Variants in PLBD2 observed in about 807,000 individuals in gnomAD.
PLBD2 encodes the protein putative aminopeptidase PLBD2.
PLBD2 carries 51 observed loss-of-function variants against 68.3 expected under a neutral mutation model. The ratio of observed to expected loss-of-function variants is 0.75; its 90% confidence interval spans 0.60 to 0.94. PLBD2 has a LOEUF of 0.94. PLBD2 is among the 40% of genes least tolerant of loss of function. The pLI, the probability that PLBD2 is intolerant of heterozygous loss-of-function variation, is 0.00. For missense variants in PLBD2, 729 were observed against 792.2 expected (o/e 0.92, Z 0.96); for synonymous variants, 314 against 339.3 (o/e 0.93, Z 0.82).
Position 113,373,497 on chromosome 12 carries a change from C to T in PLBD2, c.543+690C>T, listed in dbSNP as rs562253920. Among the ~76,000 whole-genome samples, 55 of 151,980 alleles carry T rather than the reference C, an allele frequency of 3.6e-4. No individual in the cohort carries two copies. In the South Asian group the frequency reaches 0.011, roughly 31 times the overall value. On this transcript the variant is annotated intron_variant, in intron 3 of 11. Coordinates refer to ENST00000280800, the MANE Select transcript of PLBD2 (RefSeq NM_173542.4). Reference sequence around the variant, plus strand: ...TGTTTACCCACCCACCTACTCACACCCTAAGACAGACTCTTCTACCACCAA... The same window carrying T: ...TGTTTACCCACCCACCTACTCACACTCTAAGACAGACTCTTCTACCACCAA...
At chr12:113,379,307 CA>C (rs759130410) in intron 5 of PLBD2, among the ~76,000 whole-genome samples, 3,578 of 46,510 alleles carry the variant, frequency 0.077, 50 homozygotes, top group East Asian at 0.2. Context: ...GACTCTGTCT[CA>C]AAAAAAAAAA....
At chr12:113,362,505 C>T (rs1957304409) in intron 1 of PLBD2, among the ~76,000 whole-genome samples, 1 of 151,450 alleles carries the variant, frequency 6.6e-6, no homozygotes, top group South Asian at 2.1e-4. Flanking sequence ...TGGCCTCTTT[C>T]AAGAGGCACC....
chr12:113,373,788 T>TACCCACCCATTCATCTATCCATTC (rs1181616673), intron 3 of PLBD2, among the ~76,000 whole-genome samples: 3 of 148,428 alleles, frequency 2.0e-5, no homozygotes, highest in African/African-American at 7.5e-5. Flanking sequence ...TCCATCCATT[T>TACCCACCCATTCATCTATCCATTC]ACCCACCCAT....
At position 113,388,579 on chromosome 12, in the gene PLBD2, C is replaced by T; in HGVS notation, c.1723C>T (p.Gln575Ter). 6.2e-7 allele frequency: 1 copy of T among 1,605,722 alleles called. No individual in the cohort carries two copies. The highest frequency in any genetic ancestry group is 8.5e-7 in the Non-Finnish European group (1 of 1,174,928). The change falls in exon 12 of 12, where the codon CAG becomes TAG. Residue 575 changes from glutamine (Q) to a stop codon, truncating the protein, a stop_gained. Transcript: ENST00000280800. LOFTEE classifies it high-confidence loss of function. Reference protein sequence around the residue: ...SPFSGLLHMGQPDLWKFAPVK... With the variant: ...SPFSGLLHMG ...CTTCAGCGGCCTGCTGCACATGGGC[C>T]AGCCAGACCTCTGGAAGTTCGCGCC...
In PLBD2 at chr12:113,372,737, T is replaced by C. The variant is rs758810897; in HGVS notation, c.473T>C (p.Phe158Ser). 2 of 1,614,120 alleles carry C rather than the reference T, an allele frequency of 1.2e-6. No homozygotes were observed. The highest frequency in any genetic ancestry group is 1.7e-6 in the Non-Finnish European group (2 of 1,180,030). ...GGCTACTGCGAGAGGCTGAAGAGCT[T>C]CCTGGAGGCCAACCTAGAGTGGATG... ...EVGYCERLKS[F>S]LEANLEWMQE... is the part of the protein sequence containing the mutation. The change falls in exon 3 of 12, where the codon TTC (phenylalanine) becomes TCC (serine). Residue 158 changes from phenylalanine (F) to serine (S), a missense_variant. Coordinates refer to ENST00000280800, the MANE Select transcript of PLBD2 (RefSeq NM_173542.4). The surrounding 1 kb of genome is among the most constrained non-coding windows in gnomAD (Gnocchi z 4.2).
chr12:113,358,590 A>T lies in PLBD2; in HGVS notation c.-11A>T. 1 of 1,467,076 alleles carries T rather than the reference A, an allele frequency of 6.8e-7. No homozygotes were observed. Among genetic ancestry groups the T allele is most frequent in the East Asian group, 3.0e-5 (1 of 33,234 alleles). The allele number at this position is 1,467,076 out of a possible 1,614,324, so 90.9% of individuals were successfully genotyped here. The stretch of plus-strand genomic sequence containing the variant: ...CGTGACCCGGGCTGCGGGGCGCAGC[A>T]TTGTGCGGTCATGGTGGGCCAGATG... On this transcript the variant is annotated 5_prime_UTR_variant, in exon 1 of 12. Transcript: ENST00000280800.
rs142479462 is a variant in PLBD2 at position 113,384,544 on chromosome 12, G to A, written c.1118+279G>A. On this transcript the variant is annotated intron_variant, in intron 7 of 11. Coordinates refer to ENST00000280800, the MANE Select transcript of PLBD2 (RefSeq NM_173542.4). The surrounding 1 kb of genome is among the most constrained non-coding windows in gnomAD (Gnocchi z 4.2). ...GACAGTGGGGAGGGCTGTTTGAGGA[G>A]GTGGACGTGGGTGGGTGGCAGGGCC... Among the ~76,000 whole-genome samples the A allele has an allele frequency of 6.6e-6, 1 of 152,318 alleles. No individual in the cohort carries two copies. The highest frequency in any genetic ancestry group is 1.5e-5 in the Non-Finnish European group (1 of 68,012).
At chr12:113,380,621 GAC>G in intron 5 of PLBD2, 122 bp from the exon 6 acceptor site, 1 of 696,148 alleles carries the variant, frequency 1.4e-6, no homozygotes, top group African/African-American at 1.8e-5. Flanking sequence ...TGACAAAAAG[GAC>G]ACAGTGGGGG....
At chr12:113,385,940 A>C (rs1258509155) in intron 9 of PLBD2, among the ~76,000 whole-genome samples, 1 of 152,092 alleles carries the variant, frequency 6.6e-6, no homozygotes, top group Non-Finnish European at 1.5e-5. Context: ...CAGTAGAGAC[A>C]GGGTTTCACC....
Position 113,363,094 on chromosome 12 carries a change from C to T in PLBD2, c.290+4204C>T, listed in dbSNP as rs556354401. On this transcript the variant is annotated intron_variant, in intron 1 of 11. Coordinates refer to ENST00000280800, the MANE Select transcript of PLBD2 (RefSeq NM_173542.4). ...TACAGGTGTGAGCTATTGTGCCTGG[C>T]CGAAGAGTAGTCTTTAATAAGCACA... Among the ~76,000 whole-genome samples, 4 of 152,092 alleles carry T rather than the reference C, an allele frequency of 2.6e-5. No homozygotes were observed. The East Asian group carries it at 7.8e-4, about 30-fold the overall frequency.
At chr12:113,379,970 C>A (rs1342928656) in intron 5 of PLBD2, among the ~76,000 whole-genome samples, 1 of 152,180 alleles carries the variant, frequency 6.6e-6, no homozygotes, top group Non-Finnish European at 1.5e-5. Context: ...AAGCTCAGGT[C>A]TCTTCTATAA....
intron 2 of PLBD2, among the ~76,000 whole-genome samples, chr12:113,371,257 C>T (rs1280518065): frequency 6.6e-6 from 1 of 152,184 alleles, no homozygotes; most frequent in Non-Finnish European, 1.5e-5. Context: ...GACCCACGGA[C>T]ATGCACAAGG....
At chr12:113,383,083 C>G (rs377657567) in intron 6 of PLBD2, among the ~76,000 whole-genome samples, 2 of 152,156 alleles carry the variant, frequency 1.3e-5, no homozygotes, top group African/African-American at 4.8e-5. Flanking sequence ...TGAAGGCAGC[C>G]AAGGGTTCCA....
rs1437062934 is a variant in PLBD2 at position 113,358,682 on chromosome 12, G to T, written c.82G>T (p.Ala28Ser). The T allele has an allele frequency of 2.1e-6, 3 of 1,442,428 alleles. No individual in the cohort carries two copies. Among genetic ancestry groups the T allele is most frequent in the Non-Finnish European group, 1.8e-6 (2 of 1,106,070 alleles). 89.4% of individuals were successfully genotyped at this position (1,442,428 alleles called of 1,614,324 possible). A position where few individuals can be genotyped will look rare whatever the true frequency, so the allele number is the denominator to read the frequency against. ...TRALALALVL[A>S]LLVGPFLSGL... ...GGCGCTGGCGCTGGCCCTGGTGCTGGCCCTGCTGGTCGGGCCGTTCCTGAG... is the reference window on the plus strand; with the variant it reads ...GGCGCTGGCGCTGGCCCTGGTGCTGTCCCTGCTGGTCGGGCCGTTCCTGAG... Residue 28 changes from alanine (A) to serine (S), a missense_variant, in exon 1 of 12, where the codon GCC becomes TCC. Physicochemically the swap from Ala to Ser is moderately conservative, Grantham distance 99. Coordinates refer to ENST00000280800, the MANE Select transcript of PLBD2 (RefSeq NM_173542.4).
At chr12:113,387,297 G>A (rs536526042) in intron 10 of PLBD2, among the ~76,000 whole-genome samples, 1 of 152,322 alleles carries the variant, frequency 6.6e-6, no homozygotes, top group East Asian at 1.9e-4. Context: ...AGGGGAGGAT[G>A]CTAGACATCT....
intron 9 of PLBD2, among the ~76,000 whole-genome samples, chr12:113,386,080 G>A (rs1383074666): frequency 6.6e-6 from 1 of 151,740 alleles, no homozygotes; most frequent in Admixed American, 6.5e-5. Context: ...CATGCCTTTT[G>A]GGCCCCAGAG....
intron 5 of PLBD2, chr12:113,376,769 A>T (rs1957441374): frequency 6.6e-6 from 1 of 152,250 alleles, no homozygotes; most frequent in Admixed American, 6.5e-5. Flanking sequence ...GTGAACAGTG[A>T]TCACGCCATG....
At chr12:113,374,679 G>A in intron 4 of PLBD2, 105 bp downstream of exon 4, 1 of 1,468,260 alleles carries the variant, frequency 6.8e-7, no homozygotes, top group Non-Finnish European at 9.4e-7. Flanking sequence ...TGGCTCTGTG[G>A]CCTTGGAACA....
intron 6 of PLBD2, among the ~76,000 whole-genome samples, chr12:113,383,717 G>A (rs1046358810): frequency 6.6e-6 from 1 of 151,664 alleles, no homozygotes; most frequent in Non-Finnish European, 1.5e-5. Flanking sequence ...ACCATGCCCG[G>A]CAGATTAAGT....
Sources: gnomAD v4.1 joint callset for allele counts (sites outside exome capture counted in the v4.1 genomes callset) on GRCh38, gnomAD v4.1.1 for gene constraint, Gnocchi (gnomAD v3.1) non-coding constraint, MANE v1.5 for transcripts, NCBI Gene and HGNC (gene_info 2026-07-23, HGNC 2026-07-21) for gene names.